The following AKNA variants were observed in gnomAD, a reference collection of about 807,000 sequenced individuals.
The protein encoded by AKNA is AT-hook transcription factor.
In AKNA, 67 loss-of-function variants were observed where a neutral mutation model predicts 138.8. That is an observed-to-expected ratio of 0.48 (90% confidence interval 0.40 to 0.59). The LOEUF (loss-of-function observed/expected upper bound fraction) is 0.59, where lower values mean the gene tolerates loss of function less well. Among genes scored for constraint, AKNA ranks in the 20% least tolerant of loss-of-function variants. AKNA has a pLI of 0.00. For missense variants in AKNA, 1,813 were observed against 1,880.4 expected, an observed-to-expected ratio of 0.96 and a Z score of 0.66; for synonymous variants, 737 against 754.4, an observed-to-expected ratio of 0.98 and a Z score of 0.38.
Position 114,337,004 on chromosome 9 carries a change from A to T in AKNA, c.*50T>A. On this transcript the variant is annotated 3_prime_UTR_variant, in exon 22 of 22. Coordinates refer to ENST00000374088, the MANE Select transcript of AKNA (RefSeq NM_001317950.2). ...AGCTCCAGCCCACTCCTGGCCTGGC[A>T]GGCCACCTGCCCACCCACCCACCCA... is the stretch of plus-strand genomic sequence containing the variant. The T allele has an allele frequency of 1.5e-6, 2 of 1,323,222 alleles. No individual in the cohort carries two copies. Among genetic ancestry groups the T allele is most frequent in the South Asian group, 1.5e-5 (1 of 64,902 alleles). The allele number at this position is 1,323,222 out of a possible 1,614,324, so 82.0% of individuals were successfully genotyped here.
Position 114,357,919 on chromosome 9 carries a change from A to T in AKNA, c.2739+2T>A. The T allele has an allele frequency of 6.3e-7, 1 of 1,595,704 alleles. No individual in the cohort carries two copies. Among genetic ancestry groups the T allele is most frequent in the Non-Finnish European group, 8.5e-7 (1 of 1,174,882 alleles). The stretch of plus-strand genomic sequence containing the variant: ...GGCCCATTCCCCCATGTGGAGACTT[A>T]CCTCCAGGTGGGGCCCACCGCCTCG... On this transcript the variant is annotated splice_donor_variant, in intron 12 of 21. Transcript: ENST00000374088. LOFTEE classifies it high-confidence loss of function.
chr9:114,345,729 G>T, intron 18 of AKNA, 134 bp downstream of exon 18: 3 of 739,950 alleles, frequency 4.1e-6, no homozygotes, highest in Non-Finnish European at 6.3e-6. Context: ...CTCCCTGCTG[G>T]TTTTCATATC....
chr9:114,386,214 C>T (rs570613024), intron 1 of AKNA, among the ~76,000 whole-genome samples: 88 of 152,272 alleles, frequency 5.8e-4, no homozygotes, highest in African/African-American at 1.8e-3. Context: ...ATATACCAGG[C>T]GCTACGTAAG....
At chr9:114,337,772 T>C (rs1830095596) in intron 21 of AKNA, among the ~76,000 whole-genome samples, 1 of 145,156 alleles carries the variant, frequency 6.9e-6, no homozygotes, top group East Asian at 2.0e-4. Context: ...AGAAAGGCAA[T>C]AATTAATAAT....
In AKNA at chr9:114,372,210, A is replaced by G. The variant is rs372699332; in HGVS notation, c.1416+1883T>C. On this transcript the variant is annotated intron_variant, in intron 4 of 21. Transcript: ENST00000374088. ...AGGGAGCAGAGCCCTCGGGCCAAGC[A>G]ATCATTTTTCCAGAAAGCGGGAGTG... Among the ~76,000 whole-genome samples, 9 of 152,240 alleles carry G rather than the reference A, an allele frequency of 5.9e-5. No individual in the cohort carries two copies. In the South Asian group the frequency reaches 1.9e-3, roughly 32 times the overall value.
intron 1 of AKNA, among the ~76,000 whole-genome samples, chr9:114,382,349 G>A (rs1833747703): frequency 6.6e-6 from 1 of 152,170 alleles, no homozygotes; most frequent in Non-Finnish European, 1.5e-5. Context: ...CCAGCACTTT[G>A]GGAGGCTGAG....
chr9:114,349,101 G>A lies in AKNA; in HGVS notation c.3222-1201C>T, dbSNP rs117065295. The A allele has an allele frequency of 1.8e-4, 70 of 395,180 alleles. 3 individuals carry two copies. In the East Asian group the frequency reaches 4.0e-3, roughly 23 times the overall value. The allele number at this position is 395,180 out of a possible 1,614,324, so 24.5% of individuals were successfully genotyped here. ...AAAGCCACGAGGGCAAGTGTGGGCG[G>A]TGGCTACTGGAGAGTGACATCTCCC... On this transcript the variant is annotated intron_variant, in intron 15 of 21. Coordinates refer to ENST00000374088, the MANE Select transcript of AKNA (RefSeq NM_001317950.2).
intron 18 of AKNA, chr9:114,345,600 G>C: frequency 2.6e-6 from 1 of 390,146 alleles, no homozygotes; most frequent in Non-Finnish European, 4.6e-6. Context: ...TTGACCAGCT[G>C]AACAGACTTC....
At position 114,368,563 on chromosome 9, in the gene AKNA, G is replaced by T; in HGVS notation, c.1449C>A (p.Asn483Lys). The stretch of plus-strand genomic sequence containing the variant: ...GCACCATTCCCGTGTGGATGCTGTG[G>T]TTGGGCTGGGGTGGGTCAGAGAACA... ...VNLFSDPPQP[N>K]HSIHTGMVPQ... Residue 483 changes from asparagine to lysine, a missense_variant, in exon 5 of 22, where the codon AAC (asparagine) becomes AAA (lysine). Coordinates refer to ENST00000374088, the MANE Select transcript of AKNA (RefSeq NM_001317950.2). The T allele has an allele frequency of 7.1e-7, 1 of 1,398,874 alleles. No individual in the cohort carries two copies. The highest frequency in any genetic ancestry group is 9.3e-7 in the Non-Finnish European group (1 of 1,070,754). The allele number at this position is 1,398,874 out of a possible 1,614,324, so 86.7% of individuals were successfully genotyped here. A position where few individuals can be genotyped will look rare whatever the true frequency, so the allele number is the denominator to read the frequency against.
In AKNA at chr9:114,368,239, C is replaced by T. The variant is rs964008852; in HGVS notation, c.1573+200G>A. The T allele has an allele frequency of 2.5e-5, 13 of 511,064 alleles. No individual in the cohort carries two copies. The African/African-American group carries it at 2.6e-4, about 10-fold the overall frequency. 31.7% of individuals were successfully genotyped at this position (511,064 alleles called of 1,614,324 possible). A position where few individuals can be genotyped will look rare whatever the true frequency, so the allele number is the denominator to read the frequency against. Reference sequence around the variant, plus strand: ...ATGCCAAGTGGCAGGGCCAGGGCTGCCCCCAGGCTGCTGTGGATCAAAGCA... The same window carrying T: ...ATGCCAAGTGGCAGGGCCAGGGCTGTCCCCAGGCTGCTGTGGATCAAAGCA... On this transcript the variant is annotated intron_variant, in intron 5 of 21. Transcript: ENST00000374088.
intron 4 of AKNA, among the ~76,000 whole-genome samples, chr9:114,372,644 C>T (rs1341899010): frequency 6.6e-6 from 1 of 152,158 alleles, no homozygotes; most frequent in Admixed American, 6.5e-5. Flanking sequence ...AACGGGAGCC[C>T]CAGTTTCCCA....
chr9:114,387,337 G>A lies in AKNA; in HGVS notation c.-114+523C>T, dbSNP rs549800283. Among the ~76,000 whole-genome samples, 7 of 152,306 alleles carry A rather than the reference G, an allele frequency of 4.6e-5. 1 individual carries two copies. The highest frequency in any genetic ancestry group is 4.1e-4 in the South Asian group (2 of 4,826). On this transcript the variant is annotated intron_variant, in intron 1 of 21. Transcript: ENST00000374088. ...GCAGAGGCCGAGGAGAAAGAGAAAC[G>A]GTGCCCTGGCTGTTGCCAGCTCTGG... is the stretch of plus-strand genomic sequence containing the variant.
intron 14 of AKNA, among the ~76,000 whole-genome samples, chr9:114,352,792 G>A (rs1190595696): frequency 2.0e-5 from 3 of 151,582 alleles, no homozygotes; most frequent in South Asian, 2.1e-4. Context: ...GTGGTGGCGC[G>A]TGCCTATAAT....
intron 21 of AKNA, among the ~76,000 whole-genome samples, chr9:114,340,503 G>T (rs1302182344): frequency 6.6e-6 from 1 of 152,216 alleles, no homozygotes; most frequent in African/African-American, 2.4e-5. Context: ...TCAGCAATGA[G>T]CACGTGACCA....
At chr9:114,346,090 AGGCTCTGGGGTGGATGCCT>A in intron 17 of AKNA, 81 bp from the exon 18 acceptor site, 1 of 1,439,328 alleles carries the variant, frequency 6.9e-7, no homozygotes, top group East Asian at 2.3e-5. Context: ...CCATGAGTTT[AGGCTCTGGGGTGGATGCCT>A]GGGTTTTAAT....
intron 16 of AKNA, 47 bp downstream of exon 16, chr9:114,347,677 T>C: frequency 1.4e-6 from 2 of 1,470,682 alleles, no homozygotes; most frequent in Admixed American, 5.4e-5. Context: ...AAGACTATCT[T>C]CTGTAGCTGC....
At chr9:114,340,201 A>G (rs1237497675) in intron 21 of AKNA, among the ~76,000 whole-genome samples, 1 of 152,208 alleles carries the variant, frequency 6.6e-6, no homozygotes, top group Non-Finnish European at 1.5e-5. Flanking sequence ...TGCTCCACCA[A>G]GCACCAGCCC....
upstream of AKNA, among the ~76,000 whole-genome samples, chr9:114,397,973 C>T (rs989774442): frequency 1.1e-4 from 16 of 152,346 alleles, no homozygotes; most frequent in African/African-American, 3.6e-4. Context: ...ACACAAATCC[C>T]AGACAGAAAG....
At chr9:114,373,492 G>A (rs1364882403) in intron 4 of AKNA, among the ~76,000 whole-genome samples, 2 of 152,174 alleles carry the variant, frequency 1.3e-5, no homozygotes, top group Non-Finnish European at 2.9e-5. Flanking sequence ...CCCAAGTAAC[G>A]TCCTTAAGGT....
Sources: gnomAD v4.1 joint callset for allele counts (sites outside exome capture counted in the v4.1 genomes callset) on GRCh38, gnomAD v4.1.1 for gene constraint, MANE v1.5 for transcripts, NCBI Gene and HGNC (gene_info 2026-07-23, HGNC 2026-07-21) for gene names.